COL25A1: variants seen among roughly 807,000 people sequenced by gnomAD.
COL25A1 encodes the protein collagen alpha-1(XXV) chain.
Under a neutral mutation model 128.4 loss-of-function variants are expected in COL25A1, and 103 were observed. The observed-to-expected ratio is 0.80, with a 90% CI of 0.68 to 0.94. COL25A1 has a LOEUF of 0.94. COL25A1 is among the 40% of genes least tolerant of loss of function. The pLI is 0.00. For missense variants in COL25A1, 745 were observed against 840.0 expected, an observed-to-expected ratio of 0.89 and a Z score of 1.40; for synonymous variants, 279 against 277.2, an observed-to-expected ratio of 1.01 and a Z score of -0.06.
rs1422145472 is a variant in COL25A1 at position 108,809,394 on chromosome 4, T to C, written c.*4533A>G. ...AGTATAAAGAATATTCACATAAATGTCAACAGTATGTAAGACATTCTTTTG... is the reference window on the plus strand; with the variant it reads ...AGTATAAAGAATATTCACATAAATGCCAACAGTATGTAAGACATTCTTTTG... On this transcript the variant is annotated 3_prime_UTR_variant, in exon 38 of 38. Transcript: ENST00000399132. 1.3e-5 allele frequency: 2 copies of C among 152,126 alleles called. No individual in the cohort carries two copies. Among genetic ancestry groups the C allele is most frequent in the African/African-American group, 4.8e-5 (2 of 41,460 alleles). 9.4% of individuals were successfully genotyped at this position (152,126 alleles called of 1,614,324 possible).
chr4:109,197,669 G>A (rs1384246192), intron 3 of COL25A1, among the ~76,000 whole-genome samples: 7 of 150,566 alleles, frequency 4.6e-5, no homozygotes, highest in Non-Finnish European at 1.0e-4. Context: ...TATACAGGCT[G>A]TTTCTAAACC....
Position 108,884,774 on chromosome 4 carries a change from A to G in COL25A1, c.976-552T>C, listed in dbSNP as rs76170496. Reference sequence around the variant, plus strand: ...AATACTTAAGATTAAACCTAACTCCAGTCTGTACTTCTGACAATTGTTGAG... The same window carrying G: ...AATACTTAAGATTAAACCTAACTCCGGTCTGTACTTCTGACAATTGTTGAG... On this transcript the variant is annotated intron_variant, in intron 18 of 37. Transcript: ENST00000399132. 2.6e-3 allele frequency among the ~76,000 whole-genome samples: 389 copies of G among 152,360 alleles called. 4 individuals carry two copies. The highest frequency in any genetic ancestry group is 9.0e-3 in the African/African-American group (374 of 41,586).
At chr4:109,301,576 C>T in intron 2 of COL25A1, 147 bp downstream of exon 2, 2 of 797,734 alleles carry the variant, frequency 2.5e-6, no homozygotes, top group Non-Finnish European at 2.0e-6. Context: ...CTACAGTGAG[C>T]ATAGATCCTT....
At chr4:109,009,053 C>T (rs1756326504) in intron 6 of COL25A1, among the ~76,000 whole-genome samples, 1 of 152,070 alleles carries the variant, frequency 6.6e-6, no homozygotes, top group African/African-American at 2.4e-5. Flanking sequence ...ACCCGGGAGG[C>T]GGAAGTTGCA....
chr4:109,261,821 C>T (rs1318856299), intron 3 of COL25A1, among the ~76,000 whole-genome samples: 3 of 151,946 alleles, frequency 2.0e-5, no homozygotes, highest in African/African-American at 7.2e-5. Context: ...CCTCAGCCAC[C>T]CGAGTAGCTG....
chr4:108,993,189 C>CAAA (rs1341637777), intron 6 of COL25A1, among the ~76,000 whole-genome samples: 1 of 152,192 alleles, frequency 6.6e-6, no homozygotes, highest in Non-Finnish European at 1.5e-5. Context: ...ACTCCCACCC[C>CAAA]AAACCCTGCC....
intron 3 of COL25A1, among the ~76,000 whole-genome samples, chr4:109,164,290 A>G (rs780595841): frequency 6.6e-6 from 1 of 152,240 alleles, no homozygotes; most frequent in Non-Finnish European, 1.5e-5. Context: ...GGAATTTAGC[A>G]TAGTGAAACA....
At chr4:109,189,170 A>C (rs562414812) in intron 3 of COL25A1, among the ~76,000 whole-genome samples, 1 of 152,212 alleles carries the variant, frequency 6.6e-6, no homozygotes, top group South Asian at 2.1e-4. Flanking sequence ...TGTGCTTACA[A>C]TTTTCATAAC....
intron 5 of COL25A1, among the ~76,000 whole-genome samples, chr4:109,036,827 C>T (rs1759406678): frequency 6.6e-6 from 1 of 152,180 alleles, no homozygotes; most frequent in African/African-American, 2.4e-5. Context: ...ACTCTCTAAT[C>T]CACTCTTTCA....
intron 8 of COL25A1, among the ~76,000 whole-genome samples, chr4:108,959,685 C>G (rs898781758): frequency 2.6e-5 from 4 of 152,142 alleles, no homozygotes; most frequent in African/African-American, 9.6e-5. Context: ...TTGCATTCTT[C>G]TCTGACACAT....
intron 13 of COL25A1, among the ~76,000 whole-genome samples, chr4:108,903,779 TACA>T (rs1205908194): frequency 2.6e-5 from 4 of 152,086 alleles, no homozygotes; most frequent in Non-Finnish European, 4.4e-5. Flanking sequence ...CACAACTTCT[TACA>T]ACAATGGTTT....
chr4:109,055,466 G>T (rs2125952343), intron 3 of COL25A1, among the ~76,000 whole-genome samples: 1 of 152,318 alleles, frequency 6.6e-6, no homozygotes, highest in African/African-American at 2.4e-5. Context: ...CCACACAGCA[G>T]ATCCCAGCTT....
At chr4:109,213,379 T>C (rs923712441) in intron 3 of COL25A1, among the ~76,000 whole-genome samples, 1 of 152,192 alleles carries the variant, frequency 6.6e-6, no homozygotes, top group Non-Finnish European at 1.5e-5. Flanking sequence ...CGACTATTAA[T>C]TGACCAACAG....
Position 108,982,709 on chromosome 4 carries a change from G to C in COL25A1, c.439-8150C>G, listed in dbSNP as rs564864515. 2.1e-4 allele frequency among the ~76,000 whole-genome samples: 32 copies of C among 152,204 alleles called. No individual in the cohort carries two copies. The South Asian group carries it at 5.8e-3, about 28-fold the overall frequency. The stretch of plus-strand genomic sequence containing the variant: ...AAGATTAAAAGAGACCAAGCAGAGG[G>C]GGTGGGTATAAACAGAAACTTTTAA... On this transcript the variant is annotated intron_variant, in intron 6 of 37. Coordinates refer to ENST00000399132, the MANE Select transcript of COL25A1 (RefSeq NM_198721.4).
At chr4:109,119,963 T>C (rs773048952) in intron 3 of COL25A1, among the ~76,000 whole-genome samples, 62 of 152,240 alleles carry the variant, frequency 4.1e-4, no homozygotes, top group African/African-American at 1.2e-4. Flanking sequence ...ATCCCCAGTA[T>C]GCAAGGCTGG....
chr4:108,931,299 A>C (rs931532447), intron 11 of COL25A1, among the ~76,000 whole-genome samples: 1 of 152,212 alleles, frequency 6.6e-6, no homozygotes, highest in African/African-American at 2.4e-5. Flanking sequence ...TAGTTTCACC[A>C]TTCTTTACAG....
intron 3 of COL25A1, among the ~76,000 whole-genome samples, chr4:109,232,200 C>G (rs1256096532): frequency 6.6e-6 from 1 of 152,124 alleles, no homozygotes; most frequent in African/African-American, 2.4e-5. Context: ...ACACCATGAA[C>G]AGGAGAACAT....
intron 3 of COL25A1, among the ~76,000 whole-genome samples, chr4:109,287,519 T>C (rs1724006919): frequency 6.6e-6 from 1 of 152,188 alleles, no homozygotes; most frequent in Admixed American, 6.5e-5. Flanking sequence ...TCTAAAATGT[T>C]TAATATTTAT....
intron 37 of COL25A1, among the ~76,000 whole-genome samples, chr4:108,817,034 A>G (rs1731314678): frequency 6.6e-6 from 1 of 152,188 alleles, no homozygotes; most frequent in South Asian, 2.1e-4. Context: ...TCTACCATGT[A>G]TTATCATGTT....
Sources: gnomAD v4.1 joint callset for allele counts (sites outside exome capture counted in the v4.1 genomes callset) on GRCh38, gnomAD v4.1.1 for gene constraint, MANE v1.5 for transcripts, NCBI Gene and HGNC (gene_info 2026-07-23, HGNC 2026-07-21) for gene names.